The following CADM2 variants were observed in gnomAD, a reference collection of about 807,000 sequenced individuals.
CADM2 encodes the protein cell adhesion molecule 2, also known as immunoglobulin superfamily member 4D.
CADM2 carries 12 observed loss-of-function variants against 49.8 expected under a neutral mutation model. That is an observed-to-expected ratio of 0.24 (90% CI 0.15 to 0.39). The LOEUF (loss-of-function observed/expected upper bound fraction) is 0.39, where lower values mean the gene tolerates loss of function less well. CADM2 is among the 10% of genes least tolerant of loss of function. CADM2 has a pLI of 1.00. For synonymous variants in CADM2, 214 were observed against 175.4 expected (o/e 1.22, Z -1.74); for missense variants, 378 against 492.3 (o/e 0.77, Z 2.20).
intron 1 of CADM2, among the ~76,000 whole-genome samples, chr3:85,717,971 T>C (rs1230410714): frequency 6.6e-6 from 1 of 152,186 alleles, no homozygotes; most frequent in African/African-American, 2.4e-5. Flanking sequence ...GGTTACACCA[T>C]GTTGGCCAGG....
At chr3:85,139,993 T>G (rs889135700) in intron 1 of CADM2, among the ~76,000 whole-genome samples, 4 of 152,130 alleles carry the variant, frequency 2.6e-5, no homozygotes, top group African/African-American at 9.7e-5. Context: ...GATAACACGT[T>G]CAGTTTCAGG....
At position 85,444,284 on chromosome 3, in the gene CADM2, A is replaced by C. The variant is rs891892310; in HGVS notation, c.62-282238A>C. ...AGAGTGATTGTTTGAATATCAGAGT[A>C]ACTTGTTTCCTTGCTTAAACCTTCT... On this transcript the variant is annotated intron_variant, in intron 1 of 9. Coordinates refer to ENST00000383699, the MANE Select transcript of CADM2 (RefSeq NM_001167675.2). Among the ~76,000 whole-genome samples the C allele has an allele frequency of 1.1e-4, 16 of 152,116 alleles. 1 individual carries two copies. Among genetic ancestry groups the C allele is most frequent in the Non-Finnish European group, 1.5e-5 (1 of 68,014 alleles).
intron 1 of CADM2, among the ~76,000 whole-genome samples, chr3:85,318,484 T>A (rs2107088603): frequency 6.6e-6 from 1 of 152,168 alleles, no homozygotes; most frequent in African/African-American, 2.4e-5. Flanking sequence ...GCCATCTTAG[T>A]AAAATTGCCA....
intron 1 of CADM2, among the ~76,000 whole-genome samples, chr3:85,051,045 C>A (rs372819459): frequency 6.2e-4 from 95 of 152,278 alleles, no homozygotes; most frequent in Non-Finnish European, 1.1e-3. Flanking sequence ...AGGCTCGAGG[C>A]CTTTCCAAAG....
At chr3:85,798,048 C>A (rs2071734542) in intron 2 of CADM2, among the ~76,000 whole-genome samples, 2 of 152,138 alleles carry the variant, frequency 1.3e-5, no homozygotes, top group African/African-American at 4.8e-5. Context: ...TTATTGGATG[C>A]ATAAATGTCT....
chr3:85,409,266 T>C (rs939440059), intron 1 of CADM2, among the ~76,000 whole-genome samples: 12 of 152,202 alleles, frequency 7.9e-5, no homozygotes, highest in African/African-American at 2.9e-4. Context: ...TTGTGTAATT[T>C]GTGTATACAC....
At chr3:85,043,533 T>A (rs1036834959) in intron 1 of CADM2, among the ~76,000 whole-genome samples, 1 of 151,628 alleles carries the variant, frequency 6.6e-6, no homozygotes, top group African/African-American at 2.4e-5. Flanking sequence ...TAAAATAAAA[T>A]AAAATAGAAA....
chr3:85,134,717 C>T (rs1005689130), intron 1 of CADM2, among the ~76,000 whole-genome samples: 1 of 151,764 alleles, frequency 6.6e-6, no homozygotes, highest in Non-Finnish European at 1.5e-5. Flanking sequence ...GATTGTCCAC[C>T]AAAGATTATA....
At chr3:85,467,283 T>C (rs1262857198) in intron 1 of CADM2, among the ~76,000 whole-genome samples, 5 of 152,188 alleles carry the variant, frequency 3.3e-5, no homozygotes, top group Non-Finnish European at 4.4e-5. Context: ...ATCTAGAATT[T>C]AGAGTTTTGG....
intron 1 of CADM2, among the ~76,000 whole-genome samples, chr3:85,310,749 A>G (rs2044321764): frequency 6.6e-6 from 1 of 152,150 alleles, no homozygotes; most frequent in Admixed American, 6.5e-5. Context: ...GGATCTGATG[A>G]TCACCCTCTG....
chr3:86,045,059 G>C (rs189107281), intron 8 of CADM2, among the ~76,000 whole-genome samples: 6 of 151,086 alleles, frequency 4.0e-5, no homozygotes, highest in Non-Finnish European at 7.4e-5. Flanking sequence ...GCCTGTCGTG[G>C]GGTGGTGGGA....
intron 5 of CADM2, among the ~76,000 whole-genome samples, chr3:85,908,773 G>T (rs1717159424): frequency 6.6e-6 from 1 of 150,540 alleles, no homozygotes; most frequent in Admixed American, 6.6e-5. Flanking sequence ...CACCCAGGCT[G>T]GAGTGCAGGG....
intron 2 of CADM2, chr3:85,800,432 C>T (rs2071936134): frequency 6.7e-6 from 1 of 150,128 alleles, no homozygotes; most frequent in Non-Finnish European, 1.4e-5. Context: ...TACTGGGATA[C>T]CAAAAACAAA....
At chr3:85,333,954 T>C (rs186560002) in intron 1 of CADM2, among the ~76,000 whole-genome samples, 1 of 151,868 alleles carries the variant, frequency 6.6e-6, no homozygotes, top group Non-Finnish European at 1.5e-5. Flanking sequence ...TGGAAGTATA[T>C]GAGTAAAATA....
At chr3:85,413,071 G>A (rs866775756) in intron 1 of CADM2, among the ~76,000 whole-genome samples, 46 of 143,470 alleles carry the variant, frequency 3.2e-4, no homozygotes, top group Middle Eastern at 3.8e-3. Context: ...AACCCGGAAG[G>A]CGGAGCTTGC....
intron 1 of CADM2, among the ~76,000 whole-genome samples, chr3:85,377,253 T>C (rs1385587665): frequency 6.6e-6 from 1 of 152,112 alleles, no homozygotes; most frequent in Non-Finnish European, 1.5e-5. Flanking sequence ...GTATGATTAG[T>C]GAAGCTGTAA....
At chr3:85,774,389 G>T (rs1055950269) in intron 2 of CADM2, among the ~76,000 whole-genome samples, 4 of 151,696 alleles carry the variant, frequency 2.6e-5, no homozygotes, top group Non-Finnish European at 5.9e-5. Flanking sequence ...ATAATTTTCA[G>T]CAGTTTAAAG....
chr3:85,595,717 G>A (rs2063223154), intron 1 of CADM2, among the ~76,000 whole-genome samples: 1 of 151,918 alleles, frequency 6.6e-6, no homozygotes, highest in Non-Finnish European at 1.5e-5. Context: ...CTGTCACAAG[G>A]AGGGACCATA....
intron 1 of CADM2, among the ~76,000 whole-genome samples, chr3:85,543,429 T>G (rs79718361): frequency 2.0e-3 from 114 of 56,724 alleles, no homozygotes; most frequent in East Asian, 4.4e-3. Context: ...AATGTGTGTG[T>G]GTGTGTGTGT....
Sources: gnomAD v4.1 joint callset for allele counts (sites outside exome capture counted in the v4.1 genomes callset) on GRCh38, gnomAD v4.1.1 for gene constraint, MANE v1.5 for transcripts, NCBI Gene and HGNC (gene_info 2026-07-23, HGNC 2026-07-21) for gene names.